Variants in DAAM1 observed in about 807,000 individuals in gnomAD.
The protein encoded by DAAM1 is dishevelled associated activator of morphogenesis 1.
A neutral mutation model predicts 130.0 loss-of-function variants in DAAM1; 52 were observed. The observed-to-expected ratio is 0.40, with a 90% CI of 0.32 to 0.50. The LOEUF (loss-of-function observed/expected upper bound fraction) is 0.50. Among genes scored for constraint, DAAM1 ranks in the 20% least tolerant of loss-of-function variants. The pLI is 0.61. For synonymous variants in DAAM1, 452 were observed against 444.5 expected (o/e 1.02, Z -0.21); for missense variants, 1,134 against 1,303.8 (o/e 0.87, Z 2.01).
intron 2 of DAAM1, among the ~76,000 whole-genome samples, chr14:59,269,811 A>G (rs1248809917): frequency 3.3e-5 from 5 of 152,188 alleles, no homozygotes; most frequent in Non-Finnish European, 5.9e-5. Context: ...AAGAGCATGT[A>G]TAAGTGCTAG....
intron 1 of DAAM1, among the ~76,000 whole-genome samples, chr14:59,189,276 C>T (rs1887653157): frequency 1.3e-5 from 2 of 152,200 alleles, no homozygotes; most frequent in Non-Finnish European, 2.9e-5. Flanking sequence ...CGTTCGCGTC[C>T]GAGCAGAGCC....
chr14:59,246,924 G>T (rs1206329590), intron 1 of DAAM1, among the ~76,000 whole-genome samples: 1 of 152,100 alleles, frequency 6.6e-6, no homozygotes, highest in East Asian at 1.9e-4. Flanking sequence ...TTGTTGGATT[G>T]TAGGGGTTCT....
chr14:59,293,670 AATGGATGGTAGC>A (rs1398013555), intron 3 of DAAM1, among the ~76,000 whole-genome samples: 1 of 152,202 alleles, frequency 6.6e-6, no homozygotes, highest in Non-Finnish European at 1.5e-5. Context: ...CTCACTTTAA[AATGGATGGTAGC>A]ATTGTTTCAC....
intron 1 of DAAM1, among the ~76,000 whole-genome samples, chr14:59,190,072 T>G (rs1021735109): frequency 2.0e-5 from 3 of 152,148 alleles, no homozygotes; most frequent in African/African-American, 7.2e-5. Context: ...CCGCTGCCAC[T>G]GCTGTTTCGA....
chr14:59,195,181 T>C (rs1887847381), intron 1 of DAAM1, among the ~76,000 whole-genome samples: 1 of 146,750 alleles, frequency 6.8e-6, no homozygotes, highest in Admixed American at 7.0e-5. Flanking sequence ...TCTTGCTCTG[T>C]CGCCCAGGCT....
intron 4 of DAAM1, among the ~76,000 whole-genome samples, chr14:59,316,156 C>T (rs538371684): frequency 2.6e-5 from 4 of 152,220 alleles, no homozygotes; most frequent in Admixed American, 2.6e-4. Context: ...TCTCAGTGGG[C>T]ACACTCATGG....
rs953820462 is a variant in DAAM1 at position 59,370,681 on chromosome 14, G to A, written c.*1822G>A. 3.3e-5 allele frequency: 5 copies of A among 152,108 alleles called. No individual in the cohort carries two copies. The highest frequency in any genetic ancestry group is 1.3e-4 in the Admixed American group (2 of 15,252). 9.4% of individuals were successfully genotyped at this position (152,108 alleles called of 1,614,324 possible). A position where few individuals can be genotyped will look rare whatever the true frequency, so the allele number is the denominator to read the frequency against. Reference sequence around the variant, plus strand: ...CAGTCATAAATACAAAGCAGAGGTTGCACTCCCCCAATCCCGAGTTAACCC... The same window carrying A: ...CAGTCATAAATACAAAGCAGAGGTTACACTCCCCCAATCCCGAGTTAACCC... On this transcript the variant is annotated 3_prime_UTR_variant, in exon 25 of 25. Transcript: ENST00000360909.
intron 1 of DAAM1, among the ~76,000 whole-genome samples, chr14:59,215,469 G>T (rs1888547423): frequency 6.6e-6 from 1 of 152,362 alleles, no homozygotes; most frequent in South Asian, 2.1e-4. Context: ...GTGGTGGCTG[G>T]ATGCTGGTCA....
chr14:59,263,363 T>C (rs1882269384), intron 1 of DAAM1, 78 bp from the exon 2 acceptor site: 2 of 1,289,154 alleles, frequency 1.6e-6, no homozygotes, highest in Admixed American at 4.0e-5. Flanking sequence ...CGGAGCTCTT[T>C]CTTGAGTTGG....
At chr14:59,324,880 T>C (rs1594823580) in intron 8 of DAAM1, among the ~76,000 whole-genome samples, 1 of 152,224 alleles carries the variant, frequency 6.6e-6, no homozygotes, top group Admixed American at 6.5e-5. Context: ...AGGCATTCTG[T>C]GAATGTTAAT....
rs375662334 is a variant in DAAM1, at chr14:59,194,327, T to G, written c.-38+5559T>G. On this transcript the variant is annotated intron_variant, in intron 1 of 24. Transcript: ENST00000360909. Reference sequence around the variant, plus strand: ...TGATTTTCTGGAACAGAAAATGTTGTGTGAGATTAAAAATGTTGTTTTTGA... The same window carrying G: ...TGATTTTCTGGAACAGAAAATGTTGGGTGAGATTAAAAATGTTGTTTTTGA... 1.5e-4 allele frequency among the ~76,000 whole-genome samples: 23 copies of G among 152,348 alleles called. 1 individual carries two copies. Among genetic ancestry groups the G allele is most frequent in the Admixed American group, 8.5e-4 (13 of 15,312 alleles).
intron 15 of DAAM1, among the ~76,000 whole-genome samples, chr14:59,339,077 G>C (rs1032276055): frequency 6.6e-6 from 1 of 152,314 alleles, no homozygotes; most frequent in Non-Finnish European, 1.5e-5. Flanking sequence ...GGCTTAGTAG[G>C]AAAGTACGTA....
intron 4 of DAAM1, 78 bp from the exon 5 acceptor site, chr14:59,320,408 CAAAT>C (rs1015041295): frequency 1.1e-5 from 12 of 1,089,002 alleles, no homozygotes; most frequent in African/African-American, 4.9e-5. Context: ...GTGATAGTGA[CAAAT>C]AATCTGTAGG....
intron 1 of DAAM1, among the ~76,000 whole-genome samples, chr14:59,237,420 A>T (rs989655673): frequency 3.9e-5 from 6 of 152,184 alleles, no homozygotes; most frequent in Non-Finnish European, 4.4e-5. Context: ...CTGAAAGTTG[A>T]AAAAGTGTAT....
Position 59,367,543 on chromosome 14 carries a change from G to A in DAAM1, c.2941G>A (p.Glu981Lys), listed in dbSNP as rs768979450. The change falls in exon 24 of 25, where the codon GAA becomes AAA. Residue 981 changes from glutamate to lysine, a missense_variant. Glu to Lys is a moderately conservative substitution (Grantham distance 56). This residue lies in a region of DAAM1 where 644 missense variants were observed against 695.9 expected (regional missense o/e 0.93). Coordinates refer to ENST00000360909, the MANE Select transcript of DAAM1 (RefSeq NM_001270520.2). ...QAVSEAKQEN[E>K]NMRKKKEEEE... ...TGTGTCAGAAGCCAAACAAGAAAAC[G>A]AAAATATGAGAAAGAAAAAGGAGGA... 7.4e-6 allele frequency: 12 copies of A among 1,613,678 alleles called. No homozygotes were observed. The African/African-American group carries it at 8.0e-5, about 11-fold the overall frequency.
chr14:59,242,608 G>T (rs995305771), intron 1 of DAAM1, among the ~76,000 whole-genome samples: 5 of 152,124 alleles, frequency 3.3e-5, no homozygotes, highest in Non-Finnish European at 1.5e-5. Flanking sequence ...CCCCAGGCTG[G>T]AGTGCAGTGG....
At chr14:59,367,317 CA>C in intron 23 of DAAM1, 111 bp from the exon 24 acceptor site, 1 of 1,450,760 alleles carries the variant, frequency 6.9e-7, no homozygotes, top group Non-Finnish European at 9.1e-7. Context: ...AATAAATGAG[CA>C]AACAAAACTT....
At chr14:59,194,747 G>C (rs893583642) in intron 1 of DAAM1, among the ~76,000 whole-genome samples, 3 of 152,212 alleles carry the variant, frequency 2.0e-5, no homozygotes, top group African/African-American at 7.2e-5. Flanking sequence ...CCTCAGAAGA[G>C]ATACTTTTAT....
At position 59,359,430 on chromosome 14, in the gene DAAM1, T is replaced by C. The variant is rs1359600158; in HGVS notation, c.2559T>C (p.Ile853=). 11 of 1,613,726 alleles carry C rather than the reference T, an allele frequency of 6.8e-6. No homozygotes were observed. The Admixed American group carries it at 1.2e-4, about 17-fold the overall frequency. The part of the protein sequence containing the change: ...NITLLHYLIT[I]VENKYPSVLN... ...CCCTTTTGCACTATCTCATCACTAT[T>C]GTGGAAAATAAGTACCCCAGTGTTC... Residue 853 remains isoleucine (I), a synonymous_variant, in exon 21 of 25, where the codon ATT becomes ATC. Coordinates refer to ENST00000360909, the MANE Select transcript of DAAM1 (RefSeq NM_001270520.2).
Sources: allele counts gnomAD v4.1 joint callset (sites outside exome capture counted in the v4.1 genomes callset), GRCh38; gene constraint gnomAD v4.1.1; regional missense constraint gnomAD v4.1.1; transcripts MANE v1.5; gene names NCBI Gene and HGNC (gene_info 2026-07-23, HGNC 2026-07-21).